The following GFOD1 variants were observed in gnomAD, a reference collection of about 807,000 sequenced individuals.
GFOD1 encodes the protein Gfo/Idh/MocA-like oxidoreductase domain containing 1.
A neutral mutation model predicts 25.4 loss-of-function variants in GFOD1; 9 were observed. That is an observed-to-expected ratio of 0.35 (90% CI 0.21 to 0.62). GFOD1 has a LOEUF of 0.62. Among genes scored for constraint, GFOD1 ranks in the 20% least tolerant of loss-of-function variants. The pLI, the probability that GFOD1 is intolerant of heterozygous loss-of-function variation, is 0.72. For synonymous variants in GFOD1, 253 were observed against 245.6 expected (o/e 1.03, Z -0.28); for missense variants, 403 against 556.9 (o/e 0.72, Z 2.78).
chr6:13,389,458 TTGCAGGGACA>T (rs1218374178), intron 1 of GFOD1, among the ~76,000 whole-genome samples: 1 of 152,148 alleles, frequency 6.6e-6, no homozygotes, highest in African/African-American at 2.4e-5. Flanking sequence ...TTCATGTCCT[TTGCAGGGACA>T]TGGATGAAGC....
chr6:13,358,516 G>A lies in GFOD1; in HGVS notation c.*6227C>T, dbSNP rs895296597. The A allele has an allele frequency of 6.6e-6, 1 of 152,152 alleles. No homozygotes were observed. Among genetic ancestry groups the A allele is most frequent in the Non-Finnish European group, 1.5e-5 (1 of 68,036 alleles). 9.4% of individuals were successfully genotyped at this position (152,152 alleles called of 1,614,324 possible). A position where few individuals can be genotyped will look rare whatever the true frequency, so the allele number is the denominator to read the frequency against. On this transcript the variant is annotated 3_prime_UTR_variant, in exon 2 of 2. Coordinates refer to ENST00000379287, the MANE Select transcript of GFOD1 (RefSeq NM_018988.4). The stretch of plus-strand genomic sequence containing the variant: ...TCTCCCTCCCCTGGGCAAGGCACAG[G>A]GCAGAATACTAAATACGTCCAGGTG...
chr6:13,467,676 C>A lies in GFOD1; in HGVS notation c.253+18962G>T, dbSNP rs573216129. ...AAGCCAACAAGAGCTTCACTTCCCACCCTGGGGCAAATGCAGGAGGCAGAG... is the reference window on the plus strand; with the variant it reads ...AAGCCAACAAGAGCTTCACTTCCCAACCTGGGGCAAATGCAGGAGGCAGAG... On this transcript the variant is annotated intron_variant, in intron 1 of 1. Coordinates refer to ENST00000379287, the MANE Select transcript of GFOD1 (RefSeq NM_018988.4). Among the ~76,000 whole-genome samples the A allele has an allele frequency of 1.2e-4, 19 of 152,320 alleles. No homozygotes were observed. In the South Asian group the frequency reaches 3.9e-3, roughly 32 times the overall value.
At chr6:13,389,610 T>C (rs758346521) in intron 1 of GFOD1, among the ~76,000 whole-genome samples, 3 of 151,916 alleles carry the variant, frequency 2.0e-5, no homozygotes. Flanking sequence ...CTGGGGCCTG[T>C]TGGGGGGTGC....
chr6:13,487,587 C>G lies in GFOD1; in HGVS notation c.-697G>C, dbSNP rs1438821837. 3 of 152,068 alleles carry G rather than the reference C, an allele frequency of 2.0e-5. No homozygotes were observed. Among genetic ancestry groups the G allele is most frequent in the Non-Finnish European group, 2.9e-5 (2 of 68,036 alleles). The allele number at this position is 152,068 out of a possible 1,614,324, so 9.4% of individuals were successfully genotyped here. ...CGGCTCGGGCGGCCTCGGCCCCAGG[C>G]CGGCTCAGGCTCTGGGATCCCGCGG... On this transcript the variant is annotated 5_prime_UTR_variant, in exon 1 of 2. Coordinates refer to ENST00000379287, the MANE Select transcript of GFOD1 (RefSeq NM_018988.4). This position sits in a 1 kb window ranked among gnomAD's most constrained non-coding sequence, Gnocchi z 4.9.
At chr6:13,475,800 C>T (rs143105488) in intron 1 of GFOD1, among the ~76,000 whole-genome samples, 4,691 of 149,190 alleles carry the variant, frequency 0.031, 244 homozygotes, top group African/African-American at 0.11. Context: ...GGCGCACACC[C>T]GTAATCCCAG....
intron 1 of GFOD1, among the ~76,000 whole-genome samples, chr6:13,451,981 G>C (rs1319872457): frequency 1.3e-5 from 2 of 152,210 alleles, no homozygotes. Context: ...AAATTCAGGA[G>C]ATAAAAAGTT....
At chr6:13,412,276 T>C (rs949593942) in intron 1 of GFOD1, among the ~76,000 whole-genome samples, 1 of 152,166 alleles carries the variant, frequency 6.6e-6, no homozygotes, top group Admixed American at 6.5e-5. Flanking sequence ...CTTAATCCAC[T>C]AGGACTGGTG....
chr6:13,361,033 T>C lies in GFOD1; in HGVS notation c.*3710A>G. On this transcript the variant is annotated 3_prime_UTR_variant, in exon 2 of 2. Coordinates refer to ENST00000379287, the MANE Select transcript of GFOD1 (RefSeq NM_018988.4). ...AATAGCAATACCCAACACTATAGGG[T>C]TGTTTTTATGGATTGTATGAGATAA... is the stretch of plus-strand genomic sequence containing the variant. 2.8e-6 allele frequency: 1 copy of C among 362,112 alleles called. No individual in the cohort carries two copies. The highest frequency in any genetic ancestry group is 2.0e-5 in the South Asian group (1 of 48,940). The allele number at this position is 362,112 out of a possible 1,614,324, so 22.4% of individuals were successfully genotyped here.
intron 1 of GFOD1, among the ~76,000 whole-genome samples, chr6:13,382,862 T>C (rs113594020): frequency 0.025 from 3,822 of 152,254 alleles, 68 homozygotes; most frequent in Middle Eastern, 0.044. Flanking sequence ...TTGTTCCCCT[T>C]CCTGTGTCCA....
intron 1 of GFOD1, among the ~76,000 whole-genome samples, chr6:13,406,991 G>A (rs1785957912): frequency 6.6e-6 from 1 of 152,216 alleles, no homozygotes; most frequent in Non-Finnish European, 1.5e-5. Context: ...TTGCCATTAA[G>A]TGTGGCCATG....
intron 1 of GFOD1, among the ~76,000 whole-genome samples, chr6:13,481,524 C>A (rs187085942): frequency 6.6e-6 from 1 of 152,120 alleles, no homozygotes; most frequent in African/African-American, 2.4e-5. Flanking sequence ...ATTCTAGGTG[C>A]TGTGGGAGCC....
At chr6:13,378,406 A>G (rs907665798) in intron 1 of GFOD1, among the ~76,000 whole-genome samples, 2 of 152,242 alleles carry the variant, frequency 1.3e-5, no homozygotes, top group South Asian at 2.1e-4. Context: ...AGGAGGGCAG[A>G]GTCTAGAGCT....
Position 13,364,750 on chromosome 6 carries a change from T to C in GFOD1, c.1166A>G (p.Tyr389Cys), listed in dbSNP as rs758595705. ...CGAGGTTCTCAATCTGTGCTAACAG[T>C]AGAGGGACATCCTGCTGCGGCGCAT... ...EAMRRSRMSLYC is the reference protein window; with the variant it reads ...EAMRRSRMSLCC The change falls in exon 2 of 2, where the codon TAC becomes TGC. Residue 389 changes from tyrosine (Y) to cysteine (C), a missense_variant. Coordinates refer to ENST00000379287, the MANE Select transcript of GFOD1 (RefSeq NM_018988.4). This position sits in a 1 kb window ranked among gnomAD's most constrained non-coding sequence, Gnocchi z 4.1. 93 of 1,611,710 alleles carry C rather than the reference T, an allele frequency of 5.8e-5. No homozygotes were observed. The South Asian group carries it at 9.3e-4, about 16-fold the overall frequency.
At chr6:13,409,607 T>G (rs1786033856) in intron 1 of GFOD1, among the ~76,000 whole-genome samples, 1 of 152,142 alleles carries the variant, frequency 6.6e-6, no homozygotes, top group African/African-American at 2.4e-5. Flanking sequence ...TTCCACTATT[T>G]GAACTTAACA....
intron 1 of GFOD1, among the ~76,000 whole-genome samples, chr6:13,429,211 A>G (rs1432008167): frequency 6.6e-6 from 1 of 152,198 alleles, no homozygotes; most frequent in Non-Finnish European, 1.5e-5. Context: ...CTGGCTGGCC[A>G]TAGCACAGCT....
chr6:13,453,357 G>A (rs553295265), intron 1 of GFOD1, among the ~76,000 whole-genome samples: 5 of 152,274 alleles, frequency 3.3e-5, no homozygotes, highest in African/African-American at 1.2e-4. Context: ...ATTTTTGTAT[G>A]CACCTCACTA....
chr6:13,429,065 T>A (rs1186875524), intron 1 of GFOD1, among the ~76,000 whole-genome samples: 1 of 152,160 alleles, frequency 6.6e-6, no homozygotes, highest in Admixed American at 6.5e-5. Flanking sequence ...GGTCATATAT[T>A]TACTAAGATG....
intron 1 of GFOD1, among the ~76,000 whole-genome samples, chr6:13,467,916 G>C (rs1758405598): frequency 6.6e-6 from 1 of 152,138 alleles, no homozygotes. Context: ...CTTTGGCCAA[G>C]GCTAAACTCA....
At chr6:13,458,476 A>G (rs985812709) in intron 1 of GFOD1, among the ~76,000 whole-genome samples, 1 of 152,082 alleles carries the variant, frequency 6.6e-6, no homozygotes, top group Admixed American at 6.6e-5. Flanking sequence ...GATGTAATCA[A>G]TAATGCTCTC....
Sources: allele counts gnomAD v4.1 joint callset (sites outside exome capture counted in the v4.1 genomes callset), GRCh38; gene constraint gnomAD v4.1.1; non-coding constraint Gnocchi (gnomAD v3.1); transcripts MANE v1.5; gene names NCBI Gene and HGNC (gene_info 2026-07-23, HGNC 2026-07-21).